Variants in ARSG observed in about 807,000 individuals in gnomAD.
ARSG encodes arylsulfatase G.
ARSG carries 37 observed loss-of-function variants against 50.5 expected under a neutral mutation model. The ratio of observed to expected loss-of-function variants is 0.73; its 90% CI spans 0.56 to 0.96. The LOEUF (loss-of-function observed/expected upper bound fraction) is 0.96. ARSG is among the 50% of genes least tolerant of loss of function. The probability of loss-of-function intolerance (pLI) is 0.00; values close to 1 mark genes in which losing one functional copy is unlikely to be tolerated. For synonymous variants in ARSG, 225 were observed against 254.6 expected, an observed-to-expected ratio of 0.88 and a Z score of 1.11; for missense variants, 629 against 675.3, an observed-to-expected ratio of 0.93 and a Z score of 0.76.
intron 1 of ARSG, among the ~76,000 whole-genome samples, chr17:68,301,308 G>A (rs1237061580): frequency 6.6e-6 from 1 of 152,172 alleles, no homozygotes; most frequent in Non-Finnish European, 1.5e-5. Context: ...ATGGGCAAAA[G>A]CCTGGGACAC....
intron 2 of ARSG, among the ~76,000 whole-genome samples, chr17:68,326,250 C>T (rs971475090): frequency 2.6e-5 from 4 of 152,162 alleles, no homozygotes; most frequent in South Asian, 2.1e-4. Context: ...CCCCAGGAGG[C>T]GAAATGAGAG....
At chr17:68,382,496 A>G (rs1040751235) in intron 8 of ARSG, among the ~76,000 whole-genome samples, 1 of 152,236 alleles carries the variant, frequency 6.6e-6, no homozygotes, top group Non-Finnish European at 1.5e-5. Context: ...ATAACTATCC[A>G]TTAGTGGGAG....
intron 2 of ARSG, among the ~76,000 whole-genome samples, chr17:68,332,371 C>T (rs1022090793): frequency 1.3e-5 from 2 of 152,074 alleles, no homozygotes; most frequent in African/African-American, 4.8e-5. Flanking sequence ...TTTCAAGATG[C>T]CCAGATTTCA....
intron 2 of ARSG, among the ~76,000 whole-genome samples, chr17:68,312,975 G>A (rs1166383483): frequency 2.6e-5 from 4 of 152,036 alleles, no homozygotes; most frequent in Non-Finnish European, 5.9e-5. Context: ...ATGTTACTTT[G>A]TTCTGGCCAG....
At chr17:68,412,446 GC>G (rs1322231851) in intron 11 of ARSG, among the ~76,000 whole-genome samples, 1 of 152,202 alleles carries the variant, frequency 6.6e-6, no homozygotes, top group Admixed American at 6.5e-5. Flanking sequence ...TTGAATATTG[GC>G]CCCCACTCTC....
At chr17:68,364,113 C>T (rs1247081559) in intron 6 of ARSG, among the ~76,000 whole-genome samples, 1 of 152,094 alleles carries the variant, frequency 6.6e-6, no homozygotes, top group Non-Finnish European at 1.5e-5. Flanking sequence ...AGATGATTTT[C>T]CCCAGCCTTA....
At chr17:68,365,618 A>T (rs1342380874) in intron 6 of ARSG, among the ~76,000 whole-genome samples, 1 of 152,214 alleles carries the variant, frequency 6.6e-6, no homozygotes, top group Non-Finnish European at 1.5e-5. Flanking sequence ...ATGATGGATG[A>T]TGAAGGGTGG....
chr17:68,354,945 G>A (rs750877067), intron 5 of ARSG, among the ~76,000 whole-genome samples: 1 of 152,144 alleles, frequency 6.6e-6, no homozygotes, highest in Non-Finnish European at 1.5e-5. Context: ...TTCTGTAATG[G>A]GGTGTGTGTG....
intron 1 of ARSG, among the ~76,000 whole-genome samples, chr17:68,296,832 G>A (rs782451894): frequency 7.2e-5 from 11 of 152,158 alleles, no homozygotes; most frequent in Non-Finnish European, 1.3e-4. Flanking sequence ...CGATTGTTAC[G>A]TAAAACAGCA....
intron 11 of ARSG, among the ~76,000 whole-genome samples, chr17:68,406,757 T>A (rs527299109): frequency 6.6e-6 from 1 of 152,358 alleles, no homozygotes; most frequent in South Asian, 2.1e-4. Flanking sequence ...GAGTTCCTTG[T>A]AGGTTCTGGA....
chr17:68,424,003 G>T (rs977178567), downstream of ARSG, among the ~76,000 whole-genome samples: 1 of 152,102 alleles, frequency 6.6e-6, no homozygotes, highest in African/African-American at 2.4e-5. Context: ...TTGTCCCCAC[G>T]GTGTCTGACC....
intron 1 of ARSG, among the ~76,000 whole-genome samples, chr17:68,273,225 AACAG>A (rs1437393499): frequency 2.0e-5 from 3 of 151,152 alleles, no homozygotes; most frequent in Non-Finnish European, 4.4e-5. Context: ...TTTTTTTTTA[AACAG>A]ACAGGGTCTC....
At chr17:68,274,011 C>G in intron 1 of ARSG, 1 of 1,614,086 alleles carries the variant, frequency 6.2e-7, no homozygotes, top group Non-Finnish European at 8.5e-7. Flanking sequence ...ACAAGTAGCC[C>G]CCCCAACATC....
rs1406385416 is a variant in ARSG at position 68,284,371 on chromosome 17, G to A, written c.-551-22572G>A. On this transcript the variant is annotated intron_variant, in intron 1 of 11. Transcript: ENST00000448504. ...ATCGTGCCACTGCACTCCAGTCTGG[G>A]TGACAGAGCAAGACTCTGTCTAAAA... Among the ~76,000 whole-genome samples the A allele has an allele frequency of 1.3e-5, 2 of 152,254 alleles. 1 individual carries two copies. The highest frequency in any genetic ancestry group is 1.3e-4 in the Admixed American group (2 of 15,284).
downstream of ARSG, among the ~76,000 whole-genome samples, chr17:68,424,300 G>A (rs185345320): frequency 3.8e-4 from 58 of 152,202 alleles, no homozygotes; most frequent in African/African-American, 5.8e-4. Flanking sequence ...CGACCGACCC[G>A]CAGAGCCGAT....
chr17:68,261,227 G>A (rs78426076), intron 1 of ARSG, among the ~76,000 whole-genome samples: 2,589 of 152,244 alleles, frequency 0.017, 68 homozygotes, highest in African/African-American at 0.059. Flanking sequence ...ATTCATTCAT[G>A]TATTTTTTCA....
At chr17:68,302,106 C>T (rs2076441149) in intron 1 of ARSG, among the ~76,000 whole-genome samples, 1 of 152,090 alleles carries the variant, frequency 6.6e-6, no homozygotes, top group Non-Finnish European at 1.5e-5. Context: ...TAAAATCTGT[C>T]AGTCAGTACA....
the ARSG span, chr17:68,433,331 C>G: frequency 1.2e-6 from 1 of 837,128 alleles, no homozygotes; most frequent in East Asian, 2.6e-5. Context: ...CTAACACACA[C>G]TCCATCACTT....
chr17:68,416,020 T>A (rs2082345166), intron 11 of ARSG, among the ~76,000 whole-genome samples: 1 of 152,210 alleles, frequency 6.6e-6, no homozygotes. Context: ...CATTCAGTGT[T>A]AATATTGAGA....
Sources: gnomAD v4.1 joint callset for allele counts (sites outside exome capture counted in the v4.1 genomes callset) on GRCh38, gnomAD v4.1.1 for gene constraint, MANE v1.5 for transcripts, NCBI Gene and HGNC (gene_info 2026-07-23, HGNC 2026-07-21) for gene names.